LONP2: variants seen among roughly 807,000 people sequenced by gnomAD.
The protein encoded by LONP2 is lon protease homolog 2, peroxisomal.
Under a neutral mutation model 85.6 loss-of-function variants are expected in LONP2, and 60 were observed. The ratio of observed to expected loss-of-function variants is 0.70; its 90% confidence interval spans 0.57 to 0.87. The LOEUF is 0.87. LONP2 is among the 40% of genes least tolerant of loss of function. The pLI is 0.00. For missense variants in LONP2, 860 were observed against 1,063.5 expected (o/e 0.81, Z 2.66); for synonymous variants, 395 against 389.7 (o/e 1.01, Z -0.16).
At chr16:48,264,894 C>T (rs979493461) in intron 6 of LONP2, among the ~76,000 whole-genome samples, 2 of 149,944 alleles carry the variant, frequency 1.3e-5, no homozygotes, top group Non-Finnish European at 2.9e-5. Flanking sequence ...ACATTCCGAA[C>T]AACAGTGTAC....
rs191326417 is a variant in LONP2, at chr16:48,319,121, T to C, written c.1796-15095T>C. 2.4e-3 allele frequency among the ~76,000 whole-genome samples: 372 copies of C among 152,312 alleles called. 1 individual carries two copies. Among genetic ancestry groups the C allele is most frequent in the Non-Finnish European group, 3.1e-3 (214 of 68,024 alleles). ...GTGGCCAGACATGGTGACTAATGCC[T>C]GTAATCCTGGCACTTTGGGAGGCCG... On this transcript the variant is annotated intron_variant, in intron 11 of 14. Coordinates refer to ENST00000285737, the MANE Select transcript of LONP2 (RefSeq NM_031490.5).
At chr16:48,317,454 A>G (rs1973169508) in intron 11 of LONP2, among the ~76,000 whole-genome samples, 2 of 152,208 alleles carry the variant, frequency 1.3e-5, no homozygotes, top group South Asian at 4.1e-4. Flanking sequence ...TCCCAAAGAA[A>G]AGAGGGGGAA....
rs1290969942 is a variant in LONP2 at position 48,355,916 on chromosome 16, A to C, written c.*4114A>C. 6.6e-6 allele frequency: 1 copy of C among 152,150 alleles called. No individual in the cohort carries two copies. The highest frequency in any genetic ancestry group is 1.5e-5 in the Non-Finnish European group (1 of 68,026). The allele number at this position is 152,150 out of a possible 1,614,324, so 9.4% of individuals were successfully genotyped here. On this transcript the variant is annotated 3_prime_UTR_variant, in exon 15 of 15. Transcript: ENST00000285737. ...TTCCACGTTTTATGCATGGGTTTTT[A>C]AAACTTCTCAAGTATTAAAACTAAA... is the stretch of plus-strand genomic sequence containing the variant.
intron 1 of LONP2, among the ~76,000 whole-genome samples, chr16:48,244,944 T>G (rs748744949): frequency 9.2e-5 from 14 of 152,180 alleles, no homozygotes; most frequent in Admixed American, 2.0e-4. Flanking sequence ...CCAGTGCTTT[T>G]AACTTTCCAG....
At chr16:48,321,172 A>T (rs1973255219) in intron 11 of LONP2, among the ~76,000 whole-genome samples, 1 of 152,216 alleles carries the variant, frequency 6.6e-6, no homozygotes. Context: ...GGCGTGAGCC[A>T]CCGCGCCCGG....
chr16:48,244,448 G>T lies in LONP2; in HGVS notation c.60G>T (p.Glu20Asp). The change falls in exon 1 of 15, where the codon GAG becomes GAT. Residue 20 changes from glutamate to aspartate, a missense_variant. This residue lies in a region of LONP2 where 743 missense variants were observed against 917.3 expected (regional missense o/e 0.81). Transcript: ENST00000285737. Reference protein sequence around the residue: ...PSRLPLLLTHEGVLLPGSTMR... With the variant: ...PSRLPLLLTHDGVLLPGSTMR... ...GCCTCCCGCTGCTGCTCACCCACGA[G>T]GGCGTCCTGCTGCCCGGCTCCACCA... 1 of 1,595,610 alleles carries T rather than the reference G, an allele frequency of 6.3e-7. No individual in the cohort carries two copies. The highest frequency in any genetic ancestry group is 1.7e-5 in the Admixed American group (1 of 58,364).
At chr16:48,282,104 T>A (rs1228475580) in intron 8 of LONP2, among the ~76,000 whole-genome samples, 4 of 152,314 alleles carry the variant, frequency 2.6e-5, no homozygotes, top group South Asian at 4.1e-4. Context: ...TGTGTTTTTT[T>A]AACAAATTAA....
chr16:48,262,836 C>A lies in LONP2; in HGVS notation c.946C>A (p.Leu316Ile). ...TGCTCTGACTAGAAATTATTTGGAA[C>A]TTATGGTAGAACTTCCTTGGAACAA... ...EYALTRNYLE[L>I]MVELPWNKST... Residue 316 changes from leucine to isoleucine, a missense_variant, in exon 6 of 15, where the codon CTT becomes ATT. Physicochemically the swap from Leu to Ile is conservative, Grantham distance 5. Coordinates refer to ENST00000285737, the MANE Select transcript of LONP2 (RefSeq NM_031490.5). 1.9e-6 allele frequency: 3 copies of A among 1,611,774 alleles called. No individual in the cohort carries two copies. The highest frequency in any genetic ancestry group is 2.5e-6 in the Non-Finnish European group (3 of 1,178,792).
chr16:48,273,588 T>C (rs1473885357), intron 7 of LONP2, among the ~76,000 whole-genome samples: 1 of 152,212 alleles, frequency 6.6e-6, no homozygotes, highest in Non-Finnish European at 1.5e-5. Context: ...CTGTCCACTT[T>C]GTAAGCCACA....
At chr16:48,308,739 A>G (rs1972966839) in intron 11 of LONP2, among the ~76,000 whole-genome samples, 1 of 152,136 alleles carries the variant, frequency 6.6e-6, no homozygotes, top group Admixed American at 6.6e-5. Context: ...AGACGTTGCC[A>G]TAAACAAAGA....
At chr16:48,342,967 A>G (rs926366492) in intron 12 of LONP2, among the ~76,000 whole-genome samples, 9 of 152,286 alleles carry the variant, frequency 5.9e-5, no homozygotes, top group Middle Eastern at 3.4e-3. Flanking sequence ...AAAATTCTTC[A>G]TATCTCCATT....
chr16:48,261,706 A>T (rs1971883037), intron 5 of LONP2, 119 bp downstream of exon 5: 3 of 710,508 alleles, frequency 4.2e-6, no homozygotes, highest in Admixed American at 3.5e-5. Flanking sequence ...TTCCACCTGC[A>T]GTGTGCTGTC....
At chr16:48,327,931 GT>G (rs1959297796) in intron 11 of LONP2, among the ~76,000 whole-genome samples, 1 of 152,006 alleles carries the variant, frequency 6.6e-6, no homozygotes, top group African/African-American at 2.4e-5. Flanking sequence ...ATTCCCAACC[GT>G]TGTGTGATTG....
Position 48,252,330 on chromosome 16 carries a change from G to A in LONP2, c.433G>A (p.Glu145Lys), listed in dbSNP as rs965279926. ...CTGTAAAATGAGGGAGGAGCTAGGA[G>A]AACTATCAGAGCAGTTTTACAAATA... The part of the protein sequence containing the change: ...NTCKMREELG[E>K]LSEQFYKYAV... The change falls in exon 2 of 15, where the codon GAA becomes AAA. Residue 145 changes from glutamate to lysine, a missense_variant. Physicochemically the swap from Glu to Lys is moderately conservative, Grantham distance 56. Around this residue, in one of 3 missense-constraint regions of LONP2, gnomAD observed 743 missense variants for 917.3 expected, o/e 0.81. Transcript: ENST00000285737. 6.2e-7 allele frequency: 1 copy of A among 1,612,310 alleles called. No homozygotes were observed. Among genetic ancestry groups the A allele is most frequent in the Non-Finnish European group, 8.5e-7 (1 of 1,179,312 alleles).
intron 9 of LONP2, among the ~76,000 whole-genome samples, chr16:48,298,908 T>C (rs374078513): frequency 2.0e-5 from 3 of 151,974 alleles, no homozygotes; most frequent in Non-Finnish European, 2.9e-5. Context: ...TTTTCTTTTT[T>C]TTTTTGGAGG....
rs1972529906 is a variant in LONP2 at position 48,290,124 on chromosome 16, A to G, written c.1384-5891A>G. Reference sequence around the variant, plus strand: ...ATTTACTGAGACCTCTTCTTTAGTTATATTAACCAGTTATGAATTGTATCT... The same window carrying G: ...ATTTACTGAGACCTCTTCTTTAGTTGTATTAACCAGTTATGAATTGTATCT... On this transcript the variant is annotated intron_variant, in intron 8 of 14. Coordinates refer to ENST00000285737, the MANE Select transcript of LONP2 (RefSeq NM_031490.5). Among the ~76,000 whole-genome samples, 3 of 152,162 alleles carry G rather than the reference A, an allele frequency of 2.0e-5. 1 individual carries two copies. In the South Asian group the frequency reaches 6.2e-4, roughly 31 times the overall value.
At chr16:48,361,218 C>T (rs187509535), downstream of LONP2, 299 of 229,880 alleles carry the variant, frequency 1.3e-3, 1 homozygote, top group Middle Eastern at 3.8e-3. Flanking sequence ...AACCCAAACA[C>T]GCACACACCC....
intron 11 of LONP2, among the ~76,000 whole-genome samples, chr16:48,326,950 GCCTGGTC>G (rs1959252990): frequency 2.0e-5 from 3 of 152,220 alleles, no homozygotes; most frequent in Admixed American, 2.0e-4. Flanking sequence ...CTTAGGAAAA[GCCTGGTC>G]CTTCCCCAGA....
At chr16:48,358,106 C>G (rs1045974251), downstream of LONP2, among the ~76,000 whole-genome samples, 3 of 152,130 alleles carry the variant, frequency 2.0e-5, no homozygotes, top group Non-Finnish European at 4.4e-5. Context: ...AGAAATATGG[C>G]TATAGATCTT....
Sources: allele counts gnomAD v4.1 joint callset (sites outside exome capture counted in the v4.1 genomes callset), GRCh38; gene constraint gnomAD v4.1.1; regional missense constraint gnomAD v4.1.1; transcripts MANE v1.5; gene names NCBI Gene and HGNC (gene_info 2026-07-23, HGNC 2026-07-21).